Variants in GPC5 observed in about 807,000 individuals in gnomAD.
GPC5 encodes glypican 5, also known as glypican-5.
Under a neutral mutation model 53.9 loss-of-function variants are expected in GPC5, and 47 were observed. The ratio of observed to expected loss-of-function variants is 0.87; its 90% confidence interval spans 0.69 to 1.11. The LOEUF is 1.11. GPC5 is among the 50% of genes most tolerant of loss of function. The probability of loss-of-function intolerance (pLI) is 0.00; values close to 1 mark genes in which losing one functional copy is unlikely to be tolerated. For synonymous variants in GPC5, 286 were observed against 263.3 expected, an observed-to-expected ratio of 1.09 and a Z score of -0.84; for missense variants, 748 against 713.1, an observed-to-expected ratio of 1.05 and a Z score of -0.56.
At chr13:92,723,567 T>C (rs1248731883) in intron 7 of GPC5, among the ~76,000 whole-genome samples, 1 of 151,726 alleles carries the variant, frequency 6.6e-6, no homozygotes, top group Non-Finnish European at 1.5e-5. Context: ...TAATAAGTTC[T>C]ATGGGAAAGG....
At chr13:92,845,120 A>T (rs569979207) in intron 7 of GPC5, among the ~76,000 whole-genome samples, 2 of 151,972 alleles carry the variant, frequency 1.3e-5, no homozygotes, top group Non-Finnish European at 2.9e-5. Flanking sequence ...AGCTGAATAC[A>T]TTGTGATCTA....
rs117898789 is a variant in GPC5, at chr13:92,510,797, C to G, written c.1562-355485C>G. On this transcript the variant is annotated intron_variant, in intron 7 of 7. Coordinates refer to ENST00000377067, the MANE Select transcript of GPC5 (RefSeq NM_004466.6). ...CACTTGTCTTAATTTCAGAGTGAGA[C>G]ATAAGTAAGGGTGATTAGATTGATA... 3.9e-3 allele frequency among the ~76,000 whole-genome samples: 593 copies of G among 152,252 alleles called. 1 individual carries two copies. The highest frequency in any genetic ancestry group is 0.011 in the Admixed American group (166 of 15,296).
chr13:92,610,968 ATT>A (rs35225757), intron 7 of GPC5, among the ~76,000 whole-genome samples: 46 of 140,100 alleles, frequency 3.3e-4, no homozygotes, highest in Admixed American at 7.9e-4. Context: ...CTCAATACAT[ATT>A]TTTTTTTTTT....
chr13:92,674,562 CTCTTCTT>C (rs1886867454), intron 7 of GPC5, among the ~76,000 whole-genome samples: 1 of 18,828 alleles, frequency 5.3e-5, no homozygotes, highest in East Asian at 1.2e-3. Flanking sequence ...CTTCATGAAG[CTCTTCTT>C]GAAGCAGGAG....
At chr13:92,376,559 G>C (rs1169825072) in intron 7 of GPC5, among the ~76,000 whole-genome samples, 5 of 152,150 alleles carry the variant, frequency 3.3e-5, no homozygotes, top group Non-Finnish European at 7.3e-5. Context: ...AGTGCAGTAA[G>C]TTCCTCCATC....
At chr13:92,670,189 C>T (rs1001872499) in intron 7 of GPC5, among the ~76,000 whole-genome samples, 2 of 151,954 alleles carry the variant, frequency 1.3e-5, no homozygotes, top group Non-Finnish European at 2.9e-5. Context: ...TGGCAGCATA[C>T]CAATGTGTAA....
chr13:92,767,671 C>T (rs1245815688), intron 7 of GPC5, among the ~76,000 whole-genome samples: 2 of 152,176 alleles, frequency 1.3e-5, no homozygotes, highest in Non-Finnish European at 2.9e-5. Context: ...GTTACACTGA[C>T]ATACAGACAG....
intron 7 of GPC5, among the ~76,000 whole-genome samples, chr13:92,282,242 C>G (rs1359900612): frequency 6.6e-6 from 1 of 152,152 alleles, no homozygotes; most frequent in Non-Finnish European, 1.5e-5. Context: ...AAATATGGGA[C>G]TATGTGAAAA....
intron 7 of GPC5, among the ~76,000 whole-genome samples, chr13:92,726,247 C>G (rs929093256): frequency 3.3e-5 from 5 of 151,536 alleles, no homozygotes; most frequent in Non-Finnish European, 7.4e-5. Flanking sequence ...AAACTATTAA[C>G]TCAAAACACC....
At chr13:91,646,659 A>G (rs2034564296) in intron 2 of GPC5, among the ~76,000 whole-genome samples, 1 of 152,186 alleles carries the variant, frequency 6.6e-6, no homozygotes, top group Non-Finnish European at 1.5e-5. Context: ...CAGGTAGGTA[A>G]TCTGATACAT....
intron 2 of GPC5, among the ~76,000 whole-genome samples, chr13:91,692,040 A>AT (rs775097821): frequency 6.6e-6 from 1 of 152,100 alleles, no homozygotes; most frequent in Non-Finnish European, 1.5e-5. Flanking sequence ...CCTCATTTTG[A>AT]TATACCATTT....
chr13:92,127,897 T>G (rs190739643), intron 6 of GPC5, among the ~76,000 whole-genome samples: 4 of 152,284 alleles, frequency 2.6e-5, no homozygotes, highest in Non-Finnish European at 4.4e-5. Flanking sequence ...TCTTTCACAA[T>G]GTACACCAGG....
chr13:92,677,599 G>A (rs1886990110), intron 7 of GPC5, among the ~76,000 whole-genome samples: 1 of 152,194 alleles, frequency 6.6e-6, no homozygotes, highest in African/African-American at 2.4e-5. Flanking sequence ...TTAGCTTAGA[G>A]ACTGAAGCTC....
At chr13:92,021,769 A>T (rs562744605) in intron 6 of GPC5, among the ~76,000 whole-genome samples, 1 of 152,286 alleles carries the variant, frequency 6.6e-6, no homozygotes, top group African/African-American at 2.4e-5. Context: ...AGTTTGTATA[A>T]ATCCATATAA....
intron 2 of GPC5, among the ~76,000 whole-genome samples, chr13:91,508,046 T>C (rs1885036926): frequency 6.6e-6 from 1 of 152,178 alleles, no homozygotes; most frequent in Non-Finnish European, 1.5e-5. Flanking sequence ...AGCAAAAATA[T>C]ATGATAAAGG....
At chr13:92,176,745 G>A (rs368476775) in intron 7 of GPC5, among the ~76,000 whole-genome samples, 2 of 151,954 alleles carry the variant, frequency 1.3e-5, no homozygotes, top group Admixed American at 6.6e-5. Flanking sequence ...TCACCTCAAC[G>A]GCCACATCCA....
At chr13:91,489,785 A>G (rs1883832248) in intron 2 of GPC5, among the ~76,000 whole-genome samples, 1 of 152,194 alleles carries the variant, frequency 6.6e-6, no homozygotes, top group Admixed American at 6.5e-5. Context: ...CTCTGAGAAA[A>G]TGGAAATGTA....
chr13:91,593,270 A>G (rs7999669), intron 2 of GPC5, among the ~76,000 whole-genome samples: 129,848 of 152,144 alleles, frequency 0.85, 57,293 homozygotes, highest in Non-Finnish European at 0.96. Flanking sequence ...TCTGCGTGAT[A>G]CCTTCATCCA....
intron 2 of GPC5, among the ~76,000 whole-genome samples, chr13:91,652,764 C>A (rs1488896759): frequency 2.0e-5 from 3 of 152,136 alleles, no homozygotes. Flanking sequence ...GTAAGGAGGA[C>A]CTACTATAGT....
Sources: gnomAD v4.1 joint callset for allele counts (sites outside exome capture counted in the v4.1 genomes callset) on GRCh38, gnomAD v4.1.1 for gene constraint, MANE v1.5 for transcripts, NCBI Gene and HGNC (gene_info 2026-07-23, HGNC 2026-07-21) for gene names.